ARL13B: variants seen among roughly 807,000 people sequenced by gnomAD.
The protein encoded by ARL13B is ADP-ribosylation factor-like protein 13B.
In ARL13B, 36 loss-of-function variants were observed where a neutral mutation model predicts 56.1. That is an observed-to-expected ratio of 0.64 (90% confidence interval 0.49 to 0.85). ARL13B has a LOEUF of 0.85. ARL13B is among the 40% of genes least tolerant of loss of function. The pLI is 0.00. For missense variants in ARL13B, 519 were observed against 507.1 expected (o/e 1.02, Z -0.23); for synonymous variants, 178 against 171.1 (o/e 1.04, Z -0.32).
At position 94,029,325 on chromosome 3, in the gene ARL13B, TATATATATA is replaced by T. The variant is rs1559997593; in HGVS notation, c.381-6005_381-5997del. ...TCATATATATATATATATATATATA[TATATATATA>T]TTTATTTTTTTTTTATTTTTTTTTT... On this transcript the variant is annotated intron_variant, in intron 3 of 9. Coordinates refer to ENST00000394222, the MANE Select transcript of ARL13B (RefSeq NM_001174150.2). 7.8e-5 allele frequency among the ~76,000 whole-genome samples: 8 copies of T among 101,998 alleles called. No homozygotes were observed. In the South Asian group the frequency reaches 1.2e-3, roughly 15 times the overall value. 66.9% of individuals were successfully genotyped at this position (101,998 alleles called of 152,430 possible). A position where few individuals can be genotyped will look rare whatever the true frequency, so the allele number is the denominator to read the frequency against.
rs752741182 is a variant in ARL13B, at chr3:93,995,968, T to C, written c.130+24T>C. On this transcript the variant is annotated intron_variant, in intron 2 of 9. Transcript: ENST00000394222. ...AGGTAAGCTGAAAACATTTATGTGC[T>C]TTCTGAACTCTATTAAATTATTCTG... The C allele has an allele frequency of 2.4e-5, 39 of 1,603,872 alleles. No homozygotes were observed. The East Asian group carries it at 8.3e-4, about 34-fold the overall frequency.
intron 3 of ARL13B, among the ~76,000 whole-genome samples, chr3:94,023,673 GT>G (rs1170269956): frequency 6.6e-6 from 1 of 152,070 alleles, no homozygotes; most frequent in East Asian, 1.9e-4. Context: ...CAGATCCTAC[GT>G]TTAGACATAT....
intron 2 of ARL13B, chr3:93,996,817 G>A (rs770286582): frequency 4.2e-5 from 7 of 165,982 alleles, no homozygotes; most frequent in Non-Finnish European, 9.5e-5. Context: ...ACCAATATCT[G>A]TCTGTGGGCT....
chr3:94,036,082 A>G (rs755246310), intron 4 of ARL13B, among the ~76,000 whole-genome samples: 1 of 152,152 alleles, frequency 6.6e-6, no homozygotes, highest in Non-Finnish European at 1.5e-5. Flanking sequence ...CTAAAAAACA[A>G]AAAAAGAAAA....
At chr3:94,024,919 C>A (rs1385375542) in intron 3 of ARL13B, among the ~76,000 whole-genome samples, 1 of 152,048 alleles carries the variant, frequency 6.6e-6, no homozygotes, top group Admixed American at 6.6e-5. Flanking sequence ...ATAAAGTAAT[C>A]AAAAGCCTTT....
chr3:94,022,157 GT>G (rs1276159279), intron 3 of ARL13B, among the ~76,000 whole-genome samples: 1 of 151,850 alleles, frequency 6.6e-6, no homozygotes, highest in African/African-American at 2.4e-5. Context: ...GAGTTTCGCT[GT>G]TGTCACCCAG....
intron 7 of ARL13B, 99 bp downstream of exon 7, chr3:94,043,339 T>A: frequency 9.2e-7 from 1 of 1,082,844 alleles, no homozygotes; most frequent in Non-Finnish European, 1.3e-6. Flanking sequence ...AACGAGTACT[T>A]CAATATTTTT....
intron 2 of ARL13B, among the ~76,000 whole-genome samples, chr3:93,997,431 A>C (rs2107393673): frequency 6.6e-6 from 1 of 152,342 alleles, no homozygotes. Context: ...CTGTTGGAAA[A>C]AAACATTTTC....
chr3:93,990,784 A>T (rs536933368), intron 1 of ARL13B, among the ~76,000 whole-genome samples: 3 of 152,286 alleles, frequency 2.0e-5, no homozygotes, highest in Non-Finnish European at 4.4e-5. Context: ...TTATCAACTC[A>T]TAATGTGATT....
chr3:94,046,825 TA>T (rs1297188309), intron 7 of ARL13B, among the ~76,000 whole-genome samples: 1 of 152,192 alleles, frequency 6.6e-6, no homozygotes, highest in Non-Finnish European at 1.5e-5. Context: ...ATTTTTCTCT[TA>T]TTTTAATATC....
rs76454676 is a variant in ARL13B, at chr3:94,042,595, T to A, written c.799-420T>A. ...TATTCTTCAATAAAAACTTCAATTC[T>A]TTTTTGTTTAAACAACAAATACATA... On this transcript the variant is annotated intron_variant, in intron 6 of 9. Transcript: ENST00000394222. Among the ~76,000 whole-genome samples the A allele has an allele frequency of 2.2e-3, 339 of 152,292 alleles. 2 individuals carry two copies. Among genetic ancestry groups the A allele is most frequent in the African/African-American group, 7.7e-3 (318 of 41,558 alleles).
chr3:94,008,436 G>T (rs1419598866), intron 3 of ARL13B, among the ~76,000 whole-genome samples: 1 of 152,114 alleles, frequency 6.6e-6, no homozygotes, highest in Non-Finnish European at 1.5e-5. Context: ...AACAGGTTTT[G>T]CAACTTTATA....
intron 1 of ARL13B, among the ~76,000 whole-genome samples, chr3:93,990,310 G>A (rs2075849470): frequency 6.6e-6 from 1 of 151,904 alleles, no homozygotes; most frequent in Non-Finnish European, 1.5e-5. Flanking sequence ...GCCTGGCCCA[G>A]TTTGAGTATC....
chr3:94,016,464 G>C (rs532531583), intron 3 of ARL13B, among the ~76,000 whole-genome samples: 1 of 151,850 alleles, frequency 6.6e-6, no homozygotes. Flanking sequence ...GTACAGGGTA[G>C]GGATTCAAAT....
chr3:94,003,960 A>G (rs535873309), intron 3 of ARL13B, 52 bp downstream of exon 3: 4 of 1,609,528 alleles, frequency 2.5e-6, no homozygotes, highest in Admixed American at 1.7e-5. Flanking sequence ...ATTGGCCACT[A>G]AAGAAATTTA....
At chr3:93,990,728 C>T (rs113247778) in intron 1 of ARL13B, among the ~76,000 whole-genome samples, 1 of 152,140 alleles carries the variant, frequency 6.6e-6, no homozygotes, top group South Asian at 2.1e-4. Flanking sequence ...CTATGTTCTT[C>T]TTTTGCTTAA....
chr3:93,980,887 C>T (rs1279197609), intron 1 of ARL13B, among the ~76,000 whole-genome samples: 1 of 152,084 alleles, frequency 6.6e-6, no homozygotes, highest in South Asian at 2.1e-4. Context: ...GTCACACCTC[C>T]ACACAGTTGT....
chr3:94,032,553 G>A (rs2076694412), intron 3 of ARL13B, among the ~76,000 whole-genome samples: 1 of 151,944 alleles, frequency 6.6e-6, no homozygotes, highest in South Asian at 2.1e-4. Context: ...CTGAAGTGTA[G>A]TGGCGCGATC....
chr3:93,991,150 A>G (rs1386658475), intron 1 of ARL13B, among the ~76,000 whole-genome samples: 1 of 152,198 alleles, frequency 6.6e-6, no homozygotes, highest in East Asian at 1.9e-4. Context: ...ATCTGACCAA[A>G]TGATTAAATG....
Sources: gnomAD v4.1 joint callset for allele counts (sites outside exome capture counted in the v4.1 genomes callset) on GRCh38, gnomAD v4.1.1 for gene constraint, MANE v1.5 for transcripts, NCBI Gene and HGNC (gene_info 2026-07-23, HGNC 2026-07-21) for gene names.